Variants in TTC28 observed in about 807,000 individuals in gnomAD.
TTC28 encodes tetratricopeptide repeat protein 28.
In TTC28, 61 loss-of-function variants were observed where a neutral mutation model predicts 198.0. That is an observed-to-expected ratio of 0.31 (90% confidence interval 0.25 to 0.38). The LOEUF (loss-of-function observed/expected upper bound fraction) is 0.38, where lower values mean the gene tolerates loss of function less well. Ranked by LOEUF, TTC28 falls within the 10% of genes least tolerant of loss-of-function variation. The probability of loss-of-function intolerance (pLI) is 1.00; values close to 1 mark genes in which losing one functional copy is unlikely to be tolerated. For missense variants in TTC28, 2,678 were observed against 3,164.0 expected, an observed-to-expected ratio of 0.85 and a Z score of 3.69; for synonymous variants, 1,171 against 1,297.8, an observed-to-expected ratio of 0.90 and a Z score of 2.10.
chr22:28,294,085 G>A (rs1158704770), intron 5 of TTC28, among the ~76,000 whole-genome samples: 2 of 152,172 alleles, frequency 1.3e-5, no homozygotes, highest in Non-Finnish European at 2.9e-5. Context: ...TCTCCTCAGG[G>A]GGAATTTTAA....
rs528678049 is a variant in TTC28, at chr22:28,059,120, T to C, written c.3933-28754A>G. On this transcript the variant is annotated intron_variant, in intron 12 of 22. Transcript: ENST00000397906. Reference sequence around the variant, plus strand: ...TCATGGATTTCTGTTCTTATCTTTATCATTTTCTTCTTTCTACTTAATTTT... The same window carrying C: ...TCATGGATTTCTGTTCTTATCTTTACCATTTTCTTCTTTCTACTTAATTTT... Among the ~76,000 whole-genome samples the C allele has an allele frequency of 2.5e-4, 38 of 152,156 alleles. No individual in the cohort carries two copies. In the South Asian group the frequency reaches 7.7e-3, roughly 31 times the overall value.
chr22:28,403,455 T>C, intron 2 of TTC28, among the ~76,000 whole-genome samples: 1 of 152,184 alleles, frequency 6.6e-6, no homozygotes, highest in South Asian at 2.1e-4. Context: ...CCTGCACCCT[T>C]GTTTAAATAT....
At chr22:28,495,278 T>G (rs2048438814) in intron 2 of TTC28, among the ~76,000 whole-genome samples, 1 of 152,152 alleles carries the variant, frequency 6.6e-6, no homozygotes, top group Non-Finnish European at 1.5e-5. Flanking sequence ...GAGCATACTG[T>G]TACATTTCAG....
intron 1 of TTC28, among the ~76,000 whole-genome samples, chr22:28,647,386 G>A (rs571020320): frequency 6.6e-6 from 1 of 152,104 alleles, no homozygotes; most frequent in Non-Finnish European, 1.5e-5. Flanking sequence ...TAAATAAATA[G>A]GACTTAAACT....
chr22:27,981,994 G>A lies in TTC28; in HGVS notation c.*227C>T, dbSNP rs1243575190. On this transcript the variant is annotated 3_prime_UTR_variant, in exon 23 of 23. Transcript: ENST00000397906. The stretch of plus-strand genomic sequence containing the variant: ...TGGTGAAGTGTGTAGGAAATTCCAT[G>A]AGCCTCCTGTACCAGCCCCACAGAA... The A allele has an allele frequency of 4.6e-6, 2 of 430,188 alleles. No homozygotes were observed. The highest frequency in any genetic ancestry group is 8.1e-6 in the Non-Finnish European group (2 of 245,860). The allele number at this position is 430,188 out of a possible 1,614,324, so 26.6% of individuals were successfully genotyped here. A position where few individuals can be genotyped will look rare whatever the true frequency, so the allele number is the denominator to read the frequency against.
intron 2 of TTC28, among the ~76,000 whole-genome samples, chr22:28,500,005 G>C (rs758872520): frequency 6.6e-6 from 1 of 152,038 alleles, no homozygotes; most frequent in Non-Finnish European, 1.5e-5. Flanking sequence ...TCATCTTACA[G>C]TACTACAGAA....
intron 12 of TTC28, among the ~76,000 whole-genome samples, chr22:28,055,620 C>T (rs944726419): frequency 2.0e-5 from 3 of 152,134 alleles, no homozygotes; most frequent in Admixed American, 6.5e-5. Context: ...TATGAGGCAA[C>T]GATCATAACC....
chr22:28,604,541 C>T (rs979659763), intron 2 of TTC28, among the ~76,000 whole-genome samples: 2 of 151,472 alleles, frequency 1.3e-5, no homozygotes, highest in African/African-American at 2.4e-5. Flanking sequence ...GTCAGGAGTT[C>T]GAGACCAGCC....
At chr22:28,489,970 A>T (rs773332104) in intron 2 of TTC28, among the ~76,000 whole-genome samples, 4 of 152,116 alleles carry the variant, frequency 2.6e-5, no homozygotes, top group African/African-American at 9.7e-5. Flanking sequence ...CCCAAAACTG[A>T]AGAACTTGGA....
At chr22:28,417,458 C>A (rs1221297084) in intron 2 of TTC28, among the ~76,000 whole-genome samples, 1 of 151,890 alleles carries the variant, frequency 6.6e-6, no homozygotes, top group African/African-American at 2.4e-5. Flanking sequence ...CTGGGCAACA[C>A]AGTGAGACCC....
intron 2 of TTC28, chr22:28,629,293 C>A: frequency 2.5e-6 from 1 of 405,646 alleles, no homozygotes; most frequent in South Asian, 4.8e-5. Context: ...TCTTACTTAT[C>A]AAGCGGCACA....
chr22:28,679,401 C>T (rs2052054501), intron 1 of TTC28, among the ~76,000 whole-genome samples: 1 of 152,148 alleles, frequency 6.6e-6, no homozygotes, highest in African/African-American at 2.4e-5. Context: ...CCATACACAC[C>T]CTCACACACC....
At chr22:28,148,323 G>T (rs945475398) in intron 6 of TTC28, among the ~76,000 whole-genome samples, 3 of 152,178 alleles carry the variant, frequency 2.0e-5, no homozygotes, top group African/African-American at 7.2e-5. Context: ...CTTTAAGAAT[G>T]AAGTTCTAGG....
intron 5 of TTC28, among the ~76,000 whole-genome samples, chr22:28,199,548 T>TATATATATATATATATATATATACACAC (rs60177369): frequency 4.7e-5 from 7 of 147,434 alleles, no homozygotes; most frequent in African/African-American, 1.5e-4. Context: ...TATATATATA[T>TATATATATATATATATATATATACACAC]ACACACAAAC....
intron 2 of TTC28, among the ~76,000 whole-genome samples, chr22:28,507,372 A>G (rs5762665): frequency 0.59 from 90,239 of 152,014 alleles, 27,355 homozygotes; most frequent in South Asian, 0.74. Flanking sequence ...AAAAAAGAAT[A>G]AAAAGGAACA....
chr22:27,996,297 TG>T, intron 16 of TTC28, 38 bp from the exon 17 acceptor site: 2 of 1,542,338 alleles, frequency 1.3e-6, no homozygotes, highest in Non-Finnish European at 1.8e-6. Context: ...GCAGGGCAGC[TG>T]GAGACCCCCA....
intron 2 of TTC28, among the ~76,000 whole-genome samples, chr22:28,607,582 T>C (rs1003572975): frequency 5.3e-5 from 8 of 152,216 alleles, no homozygotes; most frequent in Non-Finnish European, 1.2e-4. Context: ...GACTCATAAC[T>C]GATTTTTTTA....
intron 2 of TTC28, among the ~76,000 whole-genome samples, chr22:28,512,220 T>C (rs183992589): frequency 1.6e-4 from 25 of 152,026 alleles, no homozygotes; most frequent in African/African-American, 6.0e-4. Flanking sequence ...TCATTAGAGA[T>C]ATGCAAATCA....
chr22:28,399,915 A>C (rs566630107), intron 2 of TTC28, among the ~76,000 whole-genome samples: 1 of 152,200 alleles, frequency 6.6e-6, no homozygotes, highest in African/African-American at 2.4e-5. Flanking sequence ...ATAATAACAG[A>C]AATATGCACA....
Sources: allele counts gnomAD v4.1 joint callset (sites outside exome capture counted in the v4.1 genomes callset), GRCh38; gene constraint gnomAD v4.1.1; transcripts MANE v1.5; gene names NCBI Gene and HGNC (gene_info 2026-07-23, HGNC 2026-07-21).